DAB1: variants seen among roughly 807,000 people sequenced by gnomAD.
DAB1 encodes DAB adaptor protein 1.
DAB1 carries 15 observed loss-of-function variants against 64.6 expected under a neutral mutation model. The observed-to-expected ratio is 0.23, with a 90% CI of 0.16 to 0.36. DAB1 has a LOEUF of 0.36. Among genes scored for constraint, DAB1 ranks in the 10% least tolerant of loss-of-function variants. The pLI is 1.00. For missense variants in DAB1, 596 were observed against 706.7 expected, an observed-to-expected ratio of 0.84 and a Z score of 1.78; for synonymous variants, 235 against 251.9, an observed-to-expected ratio of 0.93 and a Z score of 0.64.
intron 1 of DAB1, among the ~76,000 whole-genome samples, chr1:57,336,346 A>C (rs1370456542): frequency 6.6e-6 from 1 of 152,206 alleles, no homozygotes; most frequent in Non-Finnish European, 1.5e-5. Flanking sequence ...AACCAAATAA[A>C]AGGATTTGGT....
At chr1:58,455,193 G>A (rs1454415473) in intron 3 of DAB1, among the ~76,000 whole-genome samples, 2 of 152,222 alleles carry the variant, frequency 1.3e-5, no homozygotes, top group Non-Finnish European at 2.9e-5. Context: ...AGGCAGCCAG[G>A]GGCTGATGCA....
At chr1:57,919,189 G>T (rs147309602) in intron 5 of DAB1, among the ~76,000 whole-genome samples, 1 of 152,276 alleles carries the variant, frequency 6.6e-6, no homozygotes, top group East Asian at 1.9e-4. Context: ...GTTGTGAGGA[G>T]GGTTGGGAGG....
chr1:57,233,254 T>A (rs926290288), intron 2 of DAB1, among the ~76,000 whole-genome samples: 1 of 104,684 alleles, frequency 9.6e-6, no homozygotes, highest in African/African-American at 3.4e-5. Flanking sequence ...TTGCTCCGAT[T>A]CTTTTTTTTT....
At chr1:58,200,646 C>CA (rs1657946868) in intron 4 of DAB1, among the ~76,000 whole-genome samples, 1 of 152,182 alleles carries the variant, frequency 6.6e-6, no homozygotes, top group Non-Finnish European at 1.5e-5. Context: ...GACTGCAGCA[C>CA]TAAAAACACT....
chr1:58,446,543 G>A (rs1645069765), intron 3 of DAB1, among the ~76,000 whole-genome samples: 1 of 152,104 alleles, frequency 6.6e-6, no homozygotes, highest in African/African-American at 2.4e-5. Context: ...CTGGGGGTGG[G>A]GTGGTGGACA....
At chr1:58,325,558 TG>T (rs988684810) in intron 4 of DAB1, among the ~76,000 whole-genome samples, 1 of 152,206 alleles carries the variant, frequency 6.6e-6, no homozygotes, top group African/African-American at 2.4e-5. Context: ...TATTAAGCTT[TG>T]ATCTGCCCAT....
At chr1:57,574,013 G>A (rs1275630325) in intron 7 of DAB1, among the ~76,000 whole-genome samples, 2 of 152,114 alleles carry the variant, frequency 1.3e-5, no homozygotes, top group African/African-American at 4.8e-5. Flanking sequence ...GTGGCCAGAA[G>A]AAAAAAGAAG....
intron 1 of DAB1, among the ~76,000 whole-genome samples, chr1:57,307,589 T>C (rs1674298351): frequency 6.6e-6 from 1 of 150,732 alleles, no homozygotes; most frequent in African/African-American, 2.4e-5. Flanking sequence ...TAGGCCACAC[T>C]CCCTTTCCTG....
chr1:58,470,416 C>T (rs569556461), intron 3 of DAB1, among the ~76,000 whole-genome samples: 3 of 152,142 alleles, frequency 2.0e-5, no homozygotes, highest in South Asian at 2.1e-4. Context: ...TCAAGTGATC[C>T]GCCTGCCTTG....
chr1:57,196,871 A>C (rs1252531363), intron 2 of DAB1, among the ~76,000 whole-genome samples: 1 of 152,224 alleles, frequency 6.6e-6, no homozygotes, highest in Non-Finnish European at 1.5e-5. Flanking sequence ...ACAACTATAC[A>C]TGATAATAAC....
Position 57,996,893 on chromosome 1 carries a change from G to A in DAB1, n.388-112731C>T, listed in dbSNP as rs1646433658. On this transcript the variant is annotated intron_variant and non_coding_transcript_variant, in intron 5 of 20. Transcript: ENST00000485760. Reference sequence around the variant, plus strand: ...CTCTTAGCATTTGGGGGGTCTGTTGGTGAGCCTGGAGAGTGTAAAGTATTG... The same window carrying A: ...CTCTTAGCATTTGGGGGGTCTGTTGATGAGCCTGGAGAGTGTAAAGTATTG... 2.0e-5 allele frequency among the ~76,000 whole-genome samples: 3 copies of A among 152,082 alleles called. No individual in the cohort carries two copies. The South Asian group carries it at 6.2e-4, about 32-fold the overall frequency.
At chr1:57,715,084 T>C (rs1272303601) in intron 6 of DAB1, among the ~76,000 whole-genome samples, 1 of 152,150 alleles carries the variant, frequency 6.6e-6, no homozygotes, top group African/African-American at 2.4e-5. Context: ...TTTACCATGA[T>C]CAAATGGGAT....
intron 9 of DAB1, among the ~76,000 whole-genome samples, chr1:57,034,504 T>G (rs1300085031): frequency 6.6e-6 from 1 of 152,162 alleles, no homozygotes; most frequent in Non-Finnish European, 1.5e-5. Flanking sequence ...TGGTAGAGGG[T>G]CTGGCACATA....
intron 1 of DAB1, among the ~76,000 whole-genome samples, chr1:57,840,885 T>C (rs1248709240): frequency 2.6e-5 from 4 of 152,186 alleles, no homozygotes; most frequent in Admixed American, 6.5e-5. Context: ...CTCCTAAATC[T>C]CATGTCCTTC....
At chr1:57,673,034 A>G (rs1010641980) in intron 6 of DAB1, among the ~76,000 whole-genome samples, 1 of 152,158 alleles carries the variant, frequency 6.6e-6, no homozygotes, top group African/African-American at 2.4e-5. Context: ...ACAAAATACC[A>G]TAGAGTGGGT....
chr1:57,491,331 G>A (rs903542341), intron 7 of DAB1, among the ~76,000 whole-genome samples: 6 of 151,900 alleles, frequency 3.9e-5, no homozygotes, highest in Non-Finnish European at 1.5e-5. Context: ...GGGAGGCTGA[G>A]GCAGGAGAAT....
At chr1:57,996,328 A>G (rs1208185569) in intron 5 of DAB1, among the ~76,000 whole-genome samples, 1 of 152,222 alleles carries the variant, frequency 6.6e-6, no homozygotes, top group African/African-American at 2.4e-5. Context: ...GAGATTATGT[A>G]TTTTTCAAAA....
chr1:57,905,433 G>A lies in DAB1; in HGVS notation n.388-21271C>T, dbSNP rs192014277. Among the ~76,000 whole-genome samples, 297 of 152,150 alleles carry A rather than the reference G, an allele frequency of 2.0e-3. 3 individuals carry two copies. The highest frequency in any genetic ancestry group is 6.8e-3 in the Middle Eastern group (2 of 294). The stretch of plus-strand genomic sequence containing the variant: ...ATTTGGAAATTGCAATGGAGTGAGC[G>A]GTTGAATGATAAGGAAGCATCAAGG... On this transcript the variant is annotated intron_variant and non_coding_transcript_variant, in intron 5 of 20. Transcript: ENST00000485760.
At chr1:58,298,569 C>T (rs1467982586) in intron 4 of DAB1, among the ~76,000 whole-genome samples, 1 of 152,224 alleles carries the variant, frequency 6.6e-6, no homozygotes, top group Non-Finnish European at 1.5e-5. Flanking sequence ...GTCATCACTC[C>T]CAGACTGGAG....
Sources: gnomAD v4.1 joint callset for allele counts (sites outside exome capture counted in the v4.1 genomes callset) on GRCh38, gnomAD v4.1.1 for gene constraint, MANE v1.5 for transcripts, NCBI Gene and HGNC (gene_info 2026-07-23, HGNC 2026-07-21) for gene names.